Variants in MROH1 observed in about 807,000 individuals in gnomAD.
MROH1 encodes the protein maestro heat-like repeat-containing protein family member 1.
Under a neutral mutation model 116.5 loss-of-function variants are expected in MROH1, and 117 were observed. The ratio of observed to expected loss-of-function variants is 1.00; its 90% confidence interval spans 0.86 to 1.17. The LOEUF (loss-of-function observed/expected upper bound fraction) is 1.17, where lower values mean the gene tolerates loss of function less well. MROH1 is among the 50% of genes most tolerant of loss of function. The probability of loss-of-function intolerance (pLI) is 0.00; values close to 1 mark genes in which losing one functional copy is unlikely to be tolerated. For missense variants in MROH1, 1,873 were observed against 1,338.5 expected (o/e 1.40, Z -6.23); for synonymous variants, 921 against 583.9 (o/e 1.58, Z -8.32).
chr8:144,199,112 C>T lies in MROH1; in HGVS notation c.949-10C>T, dbSNP rs374352057. On this transcript the variant is annotated splice_polypyrimidine_tract_variant and intron_variant, in intron 10 of 43. Coordinates refer to ENST00000326134, the MANE Select transcript of MROH1 (RefSeq NM_032450.3). ...TCTGGTCTATAACCTCGGCCCCGTT[C>T]CTGGAGCAGATCTGTGTGCCTGTGG... 13 of 1,613,224 alleles carry T rather than the reference C, an allele frequency of 8.1e-6. No individual in the cohort carries two copies. In the African/African-American group the frequency reaches 1.7e-4, roughly 22 times the overall value.
rs777889442 is a variant in MROH1 at position 144,199,168 on chromosome 8, AG to A, written c.996del (p.Lys333ArgfsTer63). On this transcript the variant is annotated frameshift_variant, in exon 11 of 44. Transcript: ENST00000326134. LOFTEE classifies it high-confidence loss of function. ...ESSSPLVMSN[Q>X]KEVLRCFTVL... is the part of the protein sequence containing the mutation. ...TCAAGCCCCCTGGTGATGAGTAACC[AG>A]AAGGAGGTGCTGCGCTGCTTCACTG... The A allele has an allele frequency of 6.2e-7, 1 of 1,613,756 alleles. No homozygotes were observed. Among genetic ancestry groups the A allele is most frequent in the South Asian group, 1.1e-5 (1 of 91,000 alleles).
chr8:144,254,978 G>C lies in MROH1; in HGVS notation c.3594G>C (p.Ser1198=), dbSNP rs948087864. The C allele has an allele frequency of 3.9e-6, 3 of 759,880 alleles. No individual in the cohort carries two copies. The highest frequency in any genetic ancestry group is 6.4e-4 in the Middle Eastern group (2 of 3,134). The allele number at this position is 759,880 out of a possible 1,614,324, so 47.1% of individuals were successfully genotyped here. ...GCGTGGCCACGCTGCTGCCTCTCTC[G>C]GTGAGTCGGGCTCTCGGGGCCACCT... is the stretch of plus-strand genomic sequence containing the variant. ...PDRVATLLPL[S]ATCALFEVMS... is the part of the protein sequence containing the mutation. The change falls in exon 34 of 44, where the codon TCG becomes TCC. Residue 1198 remains serine, a splice_region_variant and synonymous_variant. Coordinates refer to ENST00000326134, the MANE Select transcript of MROH1 (RefSeq NM_032450.3).
intron 29 of MROH1, among the ~76,000 whole-genome samples, chr8:144,246,025 C>CCCTCCCCTCCCTCCCTT (rs1841835416): frequency 8.7e-6 from 1 of 114,336 alleles, no homozygotes; most frequent in Non-Finnish European, 1.8e-5. Flanking sequence ...TTCCCTCCCT[C>CCCTCCCCTCCCTCCCTT]CCTCACCTCC....
intron 38 of MROH1, 62 bp downstream of exon 38, chr8:144,260,119 G>A (rs1588565679): frequency 4.0e-6 from 3 of 750,168 alleles, no homozygotes; most frequent in Admixed American, 1.8e-5. Context: ...GTGCATGGAG[G>A]CCACCCTGTC....
Position 144,241,081 on chromosome 8 carries a change from G to C in MROH1, c.2025G>C (p.Thr675=). The C allele has an allele frequency of 1.3e-6, 1 of 773,980 alleles. No individual in the cohort carries two copies. The highest frequency in any genetic ancestry group is 1.4e-5 in the South Asian group (1 of 73,222). The allele number at this position is 773,980 out of a possible 1,614,324, so 47.9% of individuals were successfully genotyped here. ...AGCACCTTCAAGAGCTGCTGGAGACGGCCAGATACCAGGAGGAGGCAGAAC... is the reference window on the plus strand; with the variant it reads ...AGCACCTTCAAGAGCTGCTGGAGACCGCCAGATACCAGGAGGAGGCAGAAC... ...VRKHLQELLE[T]ARYQEEAERE... is the part of the protein sequence containing the mutation. The change falls in exon 21 of 44, where the codon ACG becomes ACC. Residue 675 remains threonine (T), a synonymous_variant. Coordinates refer to ENST00000326134, the MANE Select transcript of MROH1 (RefSeq NM_032450.3).
chr8:144,229,380 A>ATTT (rs60877043), intron 14 of MROH1, among the ~76,000 whole-genome samples: 17 of 108,892 alleles, frequency 1.6e-4, no homozygotes, highest in African/African-American at 4.2e-4. Flanking sequence ...TACCTTATGA[A>ATTT]TTTTTTTTTT....
chr8:144,194,770 C>T (rs2131657181), intron 10 of MROH1, among the ~76,000 whole-genome samples: 1 of 152,056 alleles, frequency 6.6e-6, no homozygotes, highest in Middle Eastern at 3.4e-3. Context: ...TAGCTGAGTA[C>T]AGTGGCACAG....
In MROH1 at chr8:144,163,875, C is replaced by G. The variant is rs376431584; in HGVS notation, c.22+27C>G. ...TGAGTGCATGGGGATTGGGAGTGGCCGGGTGTGAGGCCTCTCTTGCCTCTG... is the reference window on the plus strand; with the variant it reads ...TGAGTGCATGGGGATTGGGAGTGGCGGGGTGTGAGGCCTCTCTTGCCTCTG... On this transcript the variant is annotated intron_variant, in intron 3 of 43. Transcript: ENST00000326134. The surrounding 1 kb of genome is among the most constrained non-coding windows in gnomAD (Gnocchi z 4.4). The G allele has an allele frequency of 1.2e-6, 2 of 1,612,122 alleles. No individual in the cohort carries two copies. Among genetic ancestry groups the G allele is most frequent in the Non-Finnish European group, 1.7e-6 (2 of 1,178,862 alleles).
intron 4 of MROH1, among the ~76,000 whole-genome samples, chr8:144,169,144 C>T (rs1047420937): frequency 1.3e-5 from 2 of 152,204 alleles, no homozygotes; most frequent in Admixed American, 6.5e-5. Flanking sequence ...CTGTTATGCA[C>T]GCTTTCTAGT....
chr8:144,249,053 G>A (rs1225433780), intron 32 of MROH1, 24 bp downstream of exon 32: 1 of 697,898 alleles, frequency 1.4e-6, no homozygotes, highest in Non-Finnish European at 2.7e-6. Context: ...GGGCGCGGGG[G>A]GTGCTCCAGG....
rs1840820872 is a variant in MROH1, at chr8:144,240,689, G to A, written c.1935+12G>A. On this transcript the variant is annotated intron_variant, in intron 20 of 43. Coordinates refer to ENST00000326134, the MANE Select transcript of MROH1 (RefSeq NM_032450.3). The stretch of plus-strand genomic sequence containing the variant: ...CACCCCAGGAGAAGGTGGGGCACCT[G>A]CTGGCGTTCTTGGTGTGGTACTTGG... 2.8e-6 allele frequency: 2 copies of A among 715,116 alleles called. No individual in the cohort carries two copies. The highest frequency in any genetic ancestry group is 3.5e-5 in the African/African-American group (2 of 57,224). 44.3% of individuals were successfully genotyped at this position (715,116 alleles called of 1,614,324 possible). A position where few individuals can be genotyped will look rare whatever the true frequency, so the allele number is the denominator to read the frequency against.
chr8:144,166,716 C>G (rs946262244), intron 3 of MROH1, among the ~76,000 whole-genome samples: 1 of 151,766 alleles, frequency 6.6e-6, no homozygotes, highest in Non-Finnish European at 1.5e-5. Context: ...GCTGGGGCGC[C>G]GCCCAGCCAG....
intron 1 of MROH1, among the ~76,000 whole-genome samples, chr8:144,150,495 C>T (rs1021073605): frequency 2.0e-3 from 297 of 152,246 alleles, no homozygotes; most frequent in Admixed American, 4.1e-3. Context: ...TTGTTGGGGC[C>T]GTTCTTCAGG....
At chr8:144,208,561 T>C (rs1319370833) in intron 12 of MROH1, among the ~76,000 whole-genome samples, 2 of 152,110 alleles carry the variant, frequency 1.3e-5, no homozygotes, top group East Asian at 1.9e-4. Context: ...TCTCAACTTA[T>C]TAATTCTGCA....
chr8:144,216,044 G>A (rs939087073), intron 12 of MROH1, among the ~76,000 whole-genome samples: 1 of 152,036 alleles, frequency 6.6e-6, no homozygotes, highest in Non-Finnish European at 1.5e-5. Context: ...AATTAGCCGG[G>A]CGTGGTGGCA....
At chr8:144,258,961 C>A in intron 36 of MROH1, 47 bp downstream of exon 36, 1 of 689,154 alleles carries the variant, frequency 1.5e-6, no homozygotes, top group Non-Finnish European at 2.7e-6. Context: ...CTGGGCTCCA[C>A]CGGATCTCGA....
chr8:144,155,852 C>G (rs1359285698), intron 1 of MROH1, among the ~76,000 whole-genome samples: 2 of 151,956 alleles, frequency 1.3e-5, no homozygotes, highest in South Asian at 4.1e-4. Context: ...ACACTGGTCT[C>G]GAACTCGTGA....
At chr8:144,237,798 G>C (rs1490610425) in intron 14 of MROH1, among the ~76,000 whole-genome samples, 1 of 152,070 alleles carries the variant, frequency 6.6e-6, no homozygotes, top group Non-Finnish European at 1.5e-5. Flanking sequence ...TTGTTTCCCT[G>C]TTGCGGTACT....
intron 12 of MROH1, among the ~76,000 whole-genome samples, chr8:144,216,684 CTTT>C (rs71320815): frequency 2.6e-4 from 37 of 142,922 alleles, no homozygotes; most frequent in African/African-American, 1.0e-3. Context: ...TTTTTTACTG[CTTT>C]TTTTTTTTTT....
Sources: gnomAD v4.1 joint callset for allele counts (sites outside exome capture counted in the v4.1 genomes callset) on GRCh38, gnomAD v4.1.1 for gene constraint, Gnocchi (gnomAD v3.1) non-coding constraint, MANE v1.5 for transcripts, NCBI Gene and HGNC (gene_info 2026-07-23, HGNC 2026-07-21) for gene names.